UBR3: variants seen among roughly 807,000 people sequenced by gnomAD.
UBR3 encodes ubiquitin protein ligase E3 component n-recognin 3.
In UBR3, 85 loss-of-function variants were observed where a neutral mutation model predicts 243.2. The observed-to-expected ratio is 0.35, with a 90% CI of 0.29 to 0.42. The LOEUF is 0.42. Ranked by LOEUF, UBR3 falls within the 10% of genes least tolerant of loss-of-function variation. The probability of loss-of-function intolerance (pLI) is 1.00; values close to 1 mark genes in which losing one functional copy is unlikely to be tolerated. For synonymous variants in UBR3, 748 were observed against 799.8 expected, an observed-to-expected ratio of 0.94 and a Z score of 1.09; for missense variants, 1,686 against 2,300.8, an observed-to-expected ratio of 0.73 and a Z score of 5.47.
At chr2:169,854,535 TTTAAC>T (rs1352168229) in intron 1 of UBR3, among the ~76,000 whole-genome samples, 1 of 152,168 alleles carries the variant, frequency 6.6e-6, no homozygotes, top group Non-Finnish European at 1.5e-5. Context: ...GAGTAGGAAT[TTTAAC>T]TTAGATTAAG....
At chr2:169,971,573 T>G (rs2088146740) in intron 24 of UBR3, among the ~76,000 whole-genome samples, 1 of 152,080 alleles carries the variant, frequency 6.6e-6, no homozygotes, top group African/African-American at 2.4e-5. Flanking sequence ...CACCATTTAT[T>G]AAATAGGGAA....
intron 33 of UBR3, among the ~76,000 whole-genome samples, chr2:170,059,743 T>C (rs2091420238): frequency 6.7e-6 from 1 of 149,566 alleles, no homozygotes; most frequent in African/African-American, 2.5e-5. Context: ...GACATAATAC[T>C]ACATGGCTGA....
At chr2:169,899,182 A>G (rs2084715911) in intron 8 of UBR3, among the ~76,000 whole-genome samples, 1 of 147,440 alleles carries the variant, frequency 6.8e-6, no homozygotes, top group Non-Finnish European at 1.5e-5. Flanking sequence ...GTTTCACTGC[A>G]TTGGCCAGGC....
intron 5 of UBR3, among the ~76,000 whole-genome samples, chr2:169,887,247 ATGCTCAGGGTCTATTTAAGGTC>A (rs2084137147): frequency 1.3e-5 from 2 of 152,188 alleles, no homozygotes; most frequent in Non-Finnish European, 2.9e-5. Flanking sequence ...GCCTACTTCC[ATGCTCAGGGTCTATTTAAGGTC>A]TGAAAAGTTC....
chr2:170,008,101 A>G (rs538223114), intron 28 of UBR3, among the ~76,000 whole-genome samples: 14 of 152,308 alleles, frequency 9.2e-5, no homozygotes, highest in African/African-American at 3.4e-4. Flanking sequence ...AAGTCAGACT[A>G]CTGTAGGGGG....
chr2:169,978,167 G>T (rs2105381762), intron 24 of UBR3, among the ~76,000 whole-genome samples: 1 of 152,256 alleles, frequency 6.6e-6, no homozygotes, highest in Non-Finnish European at 1.5e-5. Flanking sequence ...GGCCTTTTGG[G>T]CTCCGCCTAT....
intron 24 of UBR3, among the ~76,000 whole-genome samples, chr2:169,969,810 A>G (rs1339703543): frequency 3.8e-5 from 5 of 132,644 alleles, no homozygotes; most frequent in African/African-American, 1.3e-4. Flanking sequence ...CCGCCTCCCA[A>G]AGTGCTGGGA....
chr2:169,896,243 A>G (rs376882709), intron 7 of UBR3, among the ~76,000 whole-genome samples: 86 of 126,876 alleles, frequency 6.8e-4, no homozygotes, highest in African/African-American at 2.2e-3. Context: ...AGCTGAGATC[A>G]TGCCATTGCA....
intron 1 of UBR3, among the ~76,000 whole-genome samples, chr2:169,829,393 A>G (rs557389459): frequency 2.0e-5 from 3 of 151,972 alleles, no homozygotes; most frequent in South Asian, 2.1e-4. Context: ...GCTAATAATA[A>G]TAACAACATA....
intron 36 of UBR3, among the ~76,000 whole-genome samples, chr2:170,075,250 A>C (rs1467845860): frequency 6.6e-6 from 1 of 152,174 alleles, no homozygotes; most frequent in African/African-American, 2.4e-5. Context: ...TATTACATAT[A>C]CAAATATCTT....
chr2:169,881,755 T>C (rs1160393155), intron 5 of UBR3, among the ~76,000 whole-genome samples: 1 of 140,018 alleles, frequency 7.1e-6, no homozygotes, highest in Non-Finnish European at 1.5e-5. Flanking sequence ...ATATATTATA[T>C]ATTAATAAAT....
Position 169,877,603 on chromosome 2 carries a change from G to T in UBR3, c.954G>T (p.Glu318Asp), listed in dbSNP as rs1411999228. Residue 318 changes from glutamate (E) to aspartate (D), a missense_variant, in exon 4 of 39, where the codon GAG (glutamate) becomes GAT (aspartate). Glu to Asp is a conservative substitution (Grantham distance 45, BLOSUM62 2). This residue lies in a region of UBR3 where 200 missense variants were observed against 231.6 expected (regional missense o/e 0.86). Transcript: ENST00000272793. ...ATAAGCTTGTATATGGTGTGCAGGA[G>T]CCATCTGCTGGTACTAGTTCTCTGG... Reference protein sequence around the residue: ...PEDKLVYGVQEPSAGTSSLAV... With the variant: ...PEDKLVYGVQDPSAGTSSLAV... 3.2e-6 allele frequency: 5 copies of T among 1,548,112 alleles called. No individual in the cohort carries two copies. The highest frequency in any genetic ancestry group is 4.4e-6 in the Non-Finnish European group (5 of 1,146,266).
chr2:170,028,562 C>T (rs2090589449), intron 30 of UBR3, among the ~76,000 whole-genome samples: 1 of 150,628 alleles, frequency 6.6e-6, no homozygotes, highest in African/African-American at 2.4e-5. Flanking sequence ...TAATTATTGT[C>T]ATAATTAAAT....
At chr2:169,961,580 GGA>G (rs1194148712) in intron 24 of UBR3, among the ~76,000 whole-genome samples, 1 of 152,096 alleles carries the variant, frequency 6.6e-6, no homozygotes, top group Non-Finnish European at 1.5e-5. Context: ...TCATTTAGAT[GGA>G]TATAGAATTC....
intron 1 of UBR3, among the ~76,000 whole-genome samples, chr2:169,853,051 T>A (rs55923282): frequency 0.2 from 31,169 of 152,136 alleles, 3,726 homozygotes; most frequent in African/African-American, 0.31. Flanking sequence ...GTAAATTTTT[T>A]AATAGCTGTG....
chr2:169,894,805 A>G lies in UBR3; in HGVS notation c.1106-376A>G, dbSNP rs531628945. On this transcript the variant is annotated intron_variant, in intron 6 of 38. Coordinates refer to ENST00000272793, the MANE Select transcript of UBR3 (RefSeq NM_172070.4). ...ATGCGTGTGAGATACTGTTTTTTCC[A>G]GTCTCTCATCTAAGTTTAGCCCCTG... 9.5e-4 allele frequency among the ~76,000 whole-genome samples: 144 copies of G among 152,310 alleles called. 1 individual carries two copies. The South Asian group carries it at 0.017, about 18-fold the overall frequency.
chr2:169,946,092 A>G (rs2086783951), intron 20 of UBR3, among the ~76,000 whole-genome samples, 196 bp from the exon 21 acceptor site: 1 of 152,084 alleles, frequency 6.6e-6, no homozygotes, highest in African/African-American at 2.4e-5. Context: ...TATTCTTATT[A>G]AATTATTTTA....
intron 8 of UBR3, among the ~76,000 whole-genome samples, chr2:169,901,217 C>T (rs1431712400): frequency 6.6e-6 from 1 of 152,116 alleles, no homozygotes; most frequent in Non-Finnish European, 1.5e-5. Flanking sequence ...TTGCTTTTTA[C>T]ATATGCTTCT....
In UBR3 at chr2:169,906,166, T is replaced by A; in HGVS notation, c.1779+2T>A. ...CTTTTATCACATTGTAAAGTTAGGG[T>A]ATGTTGGAAATATTTTTGTTAATTT... On this transcript the variant is annotated splice_donor_variant, in intron 10 of 38. Coordinates refer to ENST00000272793, the MANE Select transcript of UBR3 (RefSeq NM_172070.4). LOFTEE classifies it high-confidence loss of function. 6.6e-7 allele frequency: 1 copy of A among 1,526,542 alleles called. No individual in the cohort carries two copies. The highest frequency in any genetic ancestry group is 8.8e-7 in the Non-Finnish European group (1 of 1,140,428). The allele number at this position is 1,526,542 out of a possible 1,614,324, so 94.6% of individuals were successfully genotyped here.
Sources: allele counts gnomAD v4.1 joint callset (sites outside exome capture counted in the v4.1 genomes callset), GRCh38; gene constraint gnomAD v4.1.1; regional missense constraint gnomAD v4.1.1; transcripts MANE v1.5; gene names NCBI Gene and HGNC (gene_info 2026-07-23, HGNC 2026-07-21).